CCDC85A: variants seen among roughly 807,000 people sequenced by gnomAD.
CCDC85A encodes coiled-coil domain containing 85A, also known as coiled-coil domain-containing protein 85A.
Under a neutral mutation model 50.2 loss-of-function variants are expected in CCDC85A, and 38 were observed. That is an observed-to-expected ratio of 0.76 (90% CI 0.58 to 0.99). The LOEUF (loss-of-function observed/expected upper bound fraction) is 0.99. Ranked by LOEUF, CCDC85A falls within the 50% of genes least tolerant of loss-of-function variation. The pLI is 0.00. For synonymous variants in CCDC85A, 366 were observed against 301.4 expected (o/e 1.21, Z -2.22); for missense variants, 820 against 742.0 (o/e 1.11, Z -1.22).
intron 5 of CCDC85A, chr2:56,379,927 A>T (rs1676506871): frequency 8.6e-6 from 3 of 348,680 alleles, no homozygotes; most frequent in Non-Finnish European, 1.2e-5. Context: ...GAATATTTTT[A>T]AAATGCTGAC....
chr2:56,312,641 A>G (rs562511271), intron 2 of CCDC85A, among the ~76,000 whole-genome samples: 2 of 152,176 alleles, frequency 1.3e-5, no homozygotes, highest in Non-Finnish European at 2.9e-5. Flanking sequence ...TCAGAAACAA[A>G]CACCCAATTA....
chr2:56,309,406 A>T (rs534502582), intron 2 of CCDC85A, among the ~76,000 whole-genome samples: 3 of 152,158 alleles, frequency 2.0e-5, no homozygotes, highest in Non-Finnish European at 4.4e-5. Context: ...CACAGACCCT[A>T]GTTGGCATTA....
At chr2:56,278,246 A>C (rs1411042959) in intron 2 of CCDC85A, among the ~76,000 whole-genome samples, 1 of 152,124 alleles carries the variant, frequency 6.6e-6, no homozygotes, top group Non-Finnish European at 1.5e-5. Context: ...AAATCAAGAA[A>C]ATGATTTCCT....
At chr2:56,281,630 A>G (rs1383101874) in intron 2 of CCDC85A, among the ~76,000 whole-genome samples, 2 of 152,174 alleles carry the variant, frequency 1.3e-5, no homozygotes, top group Non-Finnish European at 2.9e-5. Flanking sequence ...GTGGGTATAT[A>G]ACAGTGTCCT....
At chr2:56,255,487 A>G (rs1270933342) in intron 2 of CCDC85A, among the ~76,000 whole-genome samples, 1 of 152,154 alleles carries the variant, frequency 6.6e-6, no homozygotes, top group Non-Finnish European at 1.5e-5. Flanking sequence ...GAACACAAAG[A>G]TATAGCTGGC....
At chr2:56,189,888 C>T (rs1171069665) in intron 1 of CCDC85A, among the ~76,000 whole-genome samples, 1 of 152,096 alleles carries the variant, frequency 6.6e-6, no homozygotes, top group African/African-American at 2.4e-5. Context: ...GGGAGGCTGC[C>T]TGGGAGGCTG....
At chr2:56,191,983 C>T (rs1334096475) in intron 1 of CCDC85A, among the ~76,000 whole-genome samples, 1 of 152,078 alleles carries the variant, frequency 6.6e-6, no homozygotes, top group Non-Finnish European at 1.5e-5. Context: ...GGCAGGGGAG[C>T]CTTGTTTTTA....
intron 2 of CCDC85A, among the ~76,000 whole-genome samples, chr2:56,254,964 C>T (rs527542316): frequency 2.2e-4 from 33 of 152,176 alleles, no homozygotes; most frequent in Admixed American, 1.0e-3. Flanking sequence ...TTGCTTCTTC[C>T]TCTCACTACA....
intron 2 of CCDC85A, among the ~76,000 whole-genome samples, chr2:56,332,061 G>A (rs1419670156): frequency 6.6e-6 from 1 of 152,212 alleles, no homozygotes. Context: ...CCCCTCCACT[G>A]GGGTGGGATG....
At chr2:56,240,925 A>G (rs1407324521) in intron 2 of CCDC85A, among the ~76,000 whole-genome samples, 2 of 152,146 alleles carry the variant, frequency 1.3e-5, no homozygotes, top group South Asian at 2.1e-4. Flanking sequence ...GTGACTCTAT[A>G]TTTAACTTTT....
intron 2 of CCDC85A, among the ~76,000 whole-genome samples, chr2:56,230,722 C>G (rs2103935689): frequency 6.6e-6 from 1 of 152,262 alleles, no homozygotes; most frequent in East Asian, 1.9e-4. Flanking sequence ...AACAAAATGT[C>G]TCATTTGAAA....
intron 2 of CCDC85A, among the ~76,000 whole-genome samples, chr2:56,194,954 A>G (rs1445644999): frequency 6.7e-6 from 1 of 149,248 alleles, no homozygotes. Flanking sequence ...TTGTGTTACT[A>G]TCATGAGATT....
intron 2 of CCDC85A, among the ~76,000 whole-genome samples, chr2:56,311,548 A>G (rs139289841): frequency 0.014 from 2,132 of 151,900 alleles, 24 homozygotes; most frequent in Admixed American, 0.022. Context: ...TACATGTGCC[A>G]TGTTGGTGTG....
At position 56,384,590 on chromosome 2, in the gene CCDC85A, C is replaced by A. The variant is rs11902680; in HGVS notation, c.*235C>A. 129,909 of 427,460 alleles carry A rather than the reference C, an allele frequency of 0.3. 21,102 individuals carry two copies. The highest frequency in any genetic ancestry group is 0.51 in the African/African-American group (25,816 of 50,524). The allele number at this position is 427,460 out of a possible 1,614,324, so 26.5% of individuals were successfully genotyped here. On this transcript the variant is annotated 3_prime_UTR_variant, in exon 6 of 6. Transcript: ENST00000407595. The stretch of plus-strand genomic sequence containing the variant: ...CAATCTCAAACAAGGTAGCTTTGAA[C>A]ATCTCAAACAGAGTAGCTTTGAAAA...
At chr2:56,267,352 G>T (rs1670496180) in intron 2 of CCDC85A, among the ~76,000 whole-genome samples, 1 of 152,124 alleles carries the variant, frequency 6.6e-6, no homozygotes, top group Admixed American at 6.5e-5. Flanking sequence ...ACACGACTAG[G>T]ATCTATGAAA....
Position 56,342,871 on chromosome 2 carries a change from A to G in CCDC85A, c.1241-8A>G, listed in dbSNP as rs76743159. 18,639 of 1,567,712 alleles carry G rather than the reference A, an allele frequency of 0.012. 329 individuals are homozygous for G. The highest frequency in any genetic ancestry group is 0.059 in the South Asian group (5,074 of 85,392). ...TGTATAATGTGAGTTCTTTCTTTTT[A>G]ATTTTAGAATCAACCTTGTCCTATG... is the stretch of plus-strand genomic sequence containing the variant. On this transcript the variant is annotated splice_region_variant and splice_polypyrimidine_tract_variant and intron_variant, in intron 2 of 5. Coordinates refer to ENST00000407595, the MANE Select transcript of CCDC85A (RefSeq NM_001080433.2).
At chr2:56,312,865 A>G in intron 2 of CCDC85A, among the ~76,000 whole-genome samples, 1 of 150,688 alleles carries the variant, frequency 6.6e-6, no homozygotes, top group Non-Finnish European at 1.5e-5. Context: ...CTTAAAACTG[A>G]TTTGATATAT....
intron 2 of CCDC85A, among the ~76,000 whole-genome samples, chr2:56,205,705 T>A (rs1199752036): frequency 1.3e-5 from 2 of 152,192 alleles, no homozygotes; most frequent in African/African-American, 4.8e-5. Context: ...CACTGTTCCA[T>A]GTGTGGATGA....
At chr2:56,270,593 G>T (rs1268123523) in intron 2 of CCDC85A, among the ~76,000 whole-genome samples, 2 of 152,288 alleles carry the variant, frequency 1.3e-5, no homozygotes, top group African/African-American at 4.8e-5. Context: ...GGACCTAGAG[G>T]AGTCATTTTT....
Sources: gnomAD v4.1 joint callset for allele counts (sites outside exome capture counted in the v4.1 genomes callset) on GRCh38, gnomAD v4.1.1 for gene constraint, MANE v1.5 for transcripts, NCBI Gene and HGNC (gene_info 2026-07-23, HGNC 2026-07-21) for gene names.